The following SPTLC2 variants were observed in gnomAD, a reference collection of about 807,000 sequenced individuals.
SPTLC2 encodes serine palmitoyltransferase 2.
In SPTLC2, 21 loss-of-function variants were observed where a neutral mutation model predicts 62.0. The ratio of observed to expected loss-of-function variants is 0.34; its 90% CI spans 0.24 to 0.49. SPTLC2 has a LOEUF of 0.49. Among genes scored for constraint, SPTLC2 ranks in the 20% least tolerant of loss-of-function variants. The pLI is 0.99. For missense variants in SPTLC2, 511 were observed against 713.0 expected (o/e 0.72, Z 3.23); for synonymous variants, 261 against 261.8 (o/e 1.00, Z 0.03).
Position 77,616,559 on chromosome 14 carries a change from G to A in SPTLC2, c.21C>T (p.Gly7=), listed in dbSNP as rs1286923961. MRPEPG[G]CCCRRTVRAN... is the part of the protein sequence containing the mutation. ...CCCGCACCGTGCGGCGGCAGCAGCA[G>A]CCTCCGGGCTCCGGCCGCATCTTCC... Residue 7 remains glycine, a synonymous_variant, in exon 1 of 12, where the codon GGC becomes GGT. Transcript: ENST00000216484. 2.0e-6 allele frequency: 3 copies of A among 1,537,426 alleles called. No homozygotes were observed. The highest frequency in any genetic ancestry group is 3.9e-5 in the Admixed American group (2 of 51,432).
At position 77,562,529 on chromosome 14, in the gene SPTLC2, G is replaced by T. The variant is rs748342740; in HGVS notation, c.757-40C>A. ...GAACAGAAAGGTAAGAAGCTGGAGG[G>T]GAAAGGGTTAGTTACACAAATCACA... On this transcript the variant is annotated intron_variant, in intron 5 of 11. Coordinates refer to ENST00000216484, the MANE Select transcript of SPTLC2 (RefSeq NM_004863.4). 4 of 1,552,402 alleles carry T rather than the reference G, an allele frequency of 2.6e-6. No individual in the cohort carries two copies. In the East Asian group the frequency reaches 9.0e-5, roughly 35 times the overall value.
At chr14:77,516,475 T>C (rs1463764179) in intron 11 of SPTLC2, among the ~76,000 whole-genome samples, 1 of 151,618 alleles carries the variant, frequency 6.6e-6, no homozygotes, top group African/African-American at 2.4e-5. Context: ...CAGGTGAACA[T>C]GAGAAAGAAA....
chr14:77,577,233 TACTC>T (rs2079721699), intron 3 of SPTLC2, among the ~76,000 whole-genome samples: 1 of 144,970 alleles, frequency 6.9e-6, no homozygotes, highest in African/African-American at 2.4e-5. Context: ...AAGATATACA[TACTC>T]AGTAACTCCC....
At chr14:77,573,507 A>G (rs1397887754) in intron 4 of SPTLC2, among the ~76,000 whole-genome samples, 5 of 10,716 alleles carry the variant, frequency 4.7e-4, no homozygotes, top group African/African-American at 9.9e-4. Flanking sequence ...TTAAAAATAA[A>G]TAAATAAATA....
chr14:77,517,955 A>T, intron 11 of SPTLC2, 83 bp downstream of exon 11: 4 of 1,599,738 alleles, frequency 2.5e-6, no homozygotes, highest in Middle Eastern at 2.0e-4. Context: ...GAACATCAAG[A>T]TCAATATATT....
rs988613928 is a variant in SPTLC2 at position 77,507,441 on chromosome 14, G to A, written c.*4843C>T. The A allele has an allele frequency of 6.6e-6, 1 of 151,222 alleles. No individual in the cohort carries two copies. Among genetic ancestry groups the A allele is most frequent in the Admixed American group, 6.6e-5 (1 of 15,112 alleles). 9.4% of individuals were successfully genotyped at this position (151,222 alleles called of 1,614,324 possible). ...TGCCTCTTGGGTTCAAGCAATTCCT[G>A]TGCCTCAGCCTCCTGACGTAGCTGG... is the stretch of plus-strand genomic sequence containing the variant. On this transcript the variant is annotated 3_prime_UTR_variant, in exon 12 of 12. Coordinates refer to ENST00000216484, the MANE Select transcript of SPTLC2 (RefSeq NM_004863.4).
At chr14:77,541,886 G>A (rs1381371433) in intron 9 of SPTLC2, among the ~76,000 whole-genome samples, 2 of 152,048 alleles carry the variant, frequency 1.3e-5, no homozygotes, top group African/African-American at 2.4e-5. Flanking sequence ...GAGAAACCCC[G>A]TCTCTACTAA....
rs115015626 is a variant in SPTLC2, at chr14:77,575,528, T to A, written c.631+1239A>T. ...CATAAAAAGCCTTCCAACTTTCAAC[T>A]GGGTATCCTTGTTTTTGTTTTTTGA... On this transcript the variant is annotated intron_variant, in intron 4 of 11. Transcript: ENST00000216484. Among the ~76,000 whole-genome samples, 540 of 152,240 alleles carry A rather than the reference T, an allele frequency of 3.5e-3. 5 individuals carry two copies. The highest frequency in any genetic ancestry group is 0.012 in the African/African-American group (510 of 41,552).
In SPTLC2 at chr14:77,581,819, C is replaced by T. The variant is rs745709071; in HGVS notation, c.328-2710G>A. Among the ~76,000 whole-genome samples, 48 of 152,140 alleles carry T rather than the reference C, an allele frequency of 3.2e-4. 1 individual carries two copies. Among genetic ancestry groups the T allele is most frequent in the Admixed American group, 5.2e-4 (8 of 15,286 alleles). ...GAAATTTTTCATTTAAATGGCATGT[C>T]CATTTTGATAGCCTTCCAACAAGTA... On this transcript the variant is annotated intron_variant, in intron 2 of 11. Transcript: ENST00000216484.
At chr14:77,531,384 A>G (rs1257760527) in intron 9 of SPTLC2, among the ~76,000 whole-genome samples, 1 of 148,820 alleles carries the variant, frequency 6.7e-6, no homozygotes, top group African/African-American at 2.5e-5. Flanking sequence ...TCTCTACCAT[A>G]AGCCCTGAAA....
intron 9 of SPTLC2, among the ~76,000 whole-genome samples, chr14:77,543,830 T>TG (rs2079514437): frequency 6.6e-6 from 1 of 152,106 alleles, no homozygotes; most frequent in Non-Finnish European, 1.5e-5. Context: ...ATCCCAGGCA[T>TG]TTAGAGTTCC....
chr14:77,522,504 T>A (rs2079389638), intron 9 of SPTLC2, among the ~76,000 whole-genome samples: 1 of 152,192 alleles, frequency 6.6e-6, no homozygotes, highest in African/African-American at 2.4e-5. Flanking sequence ...AACATATCTG[T>A]AATAGTATAA....
chr14:77,542,103 C>G (rs2079504299), intron 9 of SPTLC2, among the ~76,000 whole-genome samples: 2 of 147,678 alleles, frequency 1.4e-5, no homozygotes, highest in East Asian at 3.9e-4. Flanking sequence ...CAAAGAATAT[C>G]TGAAAGTACC....
intron 1 of SPTLC2, among the ~76,000 whole-genome samples, chr14:77,613,904 C>T (rs1252409079): frequency 6.6e-6 from 1 of 152,162 alleles, no homozygotes; most frequent in African/African-American, 2.4e-5. Context: ...ATGTAGTTAC[C>T]AAGATCTCTC....
intron 4 of SPTLC2, among the ~76,000 whole-genome samples, chr14:77,572,704 A>G (rs908303053): frequency 3.3e-5 from 5 of 152,242 alleles, no homozygotes; most frequent in African/African-American, 9.6e-5. Context: ...TATTTTAGCT[A>G]GATCTTCTGG....
At chr14:77,545,705 T>TG (rs397734038) in intron 9 of SPTLC2, among the ~76,000 whole-genome samples, 33,531 of 152,046 alleles carry the variant, frequency 0.22, 4,432 homozygotes, top group East Asian at 0.56. Flanking sequence ...GACATAATTC[T>TG]GGGGGGAGAA....
chr14:77,590,309 G>A lies in SPTLC2; in HGVS notation c.327+6877C>T, dbSNP rs1048994464. Among the ~76,000 whole-genome samples the A allele has an allele frequency of 7.2e-5, 11 of 152,154 alleles. 1 individual carries two copies. The highest frequency in any genetic ancestry group is 4.1e-4 in the South Asian group (2 of 4,830). On this transcript the variant is annotated intron_variant, in intron 2 of 11. Coordinates refer to ENST00000216484, the MANE Select transcript of SPTLC2 (RefSeq NM_004863.4). ...CTTGTATCTTAAACATTTACCGAGC[G>A]TCTAATATGTGCCAAGCACTCTATA...
intron 9 of SPTLC2, among the ~76,000 whole-genome samples, chr14:77,540,158 T>C (rs2079492839): frequency 2.1e-5 from 3 of 146,100 alleles, no homozygotes; most frequent in South Asian, 4.3e-4. Context: ...GTTGTGCCAT[T>C]GTACTCCAGC....
At chr14:77,533,748 G>T (rs952557244) in intron 9 of SPTLC2, among the ~76,000 whole-genome samples, 1 of 152,144 alleles carries the variant, frequency 6.6e-6, no homozygotes, top group Non-Finnish European at 1.5e-5. Flanking sequence ...AGTAGGTTGG[G>T]CAAATGAACG....
Sources: gnomAD v4.1 joint callset for allele counts (sites outside exome capture counted in the v4.1 genomes callset) on GRCh38, gnomAD v4.1.1 for gene constraint, MANE v1.5 for transcripts, NCBI Gene and HGNC (gene_info 2026-07-23, HGNC 2026-07-21) for gene names.